Variants in SLCO3A1 observed in about 807,000 individuals in gnomAD.
SLCO3A1 encodes the protein solute carrier organic anion transporter family member 3A1.
A neutral mutation model predicts 63.1 loss-of-function variants in SLCO3A1; 27 were observed. The ratio of observed to expected loss-of-function variants is 0.43; its 90% CI spans 0.32 to 0.59. SLCO3A1 has a LOEUF of 0.59. Ranked by LOEUF, SLCO3A1 falls within the 20% of genes least tolerant of loss-of-function variation. The pLI, the probability that SLCO3A1 is intolerant of heterozygous loss-of-function variation, is 0.09. For missense variants in SLCO3A1, 773 were observed against 945.8 expected (o/e 0.82, Z 2.40); for synonymous variants, 473 against 409.9 (o/e 1.15, Z -1.86).
At chr15:91,889,306 C>CT (rs1897811979) in intron 1 of SLCO3A1, 4 of 464,800 alleles carry the variant, frequency 8.6e-6, no homozygotes. Context: ...CTGTAGGCCT[C>CT]TGCTATCTCC....
In SLCO3A1 at chr15:91,883,070, G is replaced by T. The variant is rs1232640858; in HGVS notation, c.180+28982G>T. On this transcript the variant is annotated intron_variant, in intron 1 of 9. Transcript: ENST00000318445. This position sits in a 1 kb window ranked among gnomAD's most constrained non-coding sequence, Gnocchi z 4.8. ...ACAGAGAGGAGAATGGTGAGGACTT[G>T]GGAAGGAGCCATGTGCTCCAGCCAT... Among the ~76,000 whole-genome samples the T allele has an allele frequency of 6.6e-6, 1 of 152,210 alleles. No homozygotes were observed. The highest frequency in any genetic ancestry group is 1.5e-5 in the Non-Finnish European group (1 of 68,034).
chr15:91,979,081 A>G (rs550611042), intron 2 of SLCO3A1, among the ~76,000 whole-genome samples: 2 of 152,298 alleles, frequency 1.3e-5, no homozygotes, highest in East Asian at 3.9e-4. Flanking sequence ...CAGGTACCTC[A>G]TTTGCAAAAA....
intron 6 of SLCO3A1, among the ~76,000 whole-genome samples, chr15:92,127,081 A>G (rs534404960): frequency 6.6e-6 from 1 of 152,310 alleles, no homozygotes; most frequent in Non-Finnish European, 1.5e-5. Context: ...AGAGTGGGAG[A>G]GCAGAACAGA....
intron 2 of SLCO3A1, among the ~76,000 whole-genome samples, chr15:92,042,294 A>G (rs1466331248): frequency 6.6e-6 from 1 of 152,206 alleles, no homozygotes; most frequent in Non-Finnish European, 1.5e-5. Flanking sequence ...CATCTTGCCT[A>G]GCGAACTTAA....
chr15:91,928,618 C>T (rs1287851338), intron 2 of SLCO3A1, among the ~76,000 whole-genome samples: 2 of 152,200 alleles, frequency 1.3e-5, no homozygotes, highest in Non-Finnish European at 2.9e-5. Flanking sequence ...AGCTCTTTCT[C>T]AGTATAGTAC....
chr15:92,018,762 G>A (rs1210423719), intron 2 of SLCO3A1, among the ~76,000 whole-genome samples: 1 of 152,148 alleles, frequency 6.6e-6, no homozygotes, highest in Non-Finnish European at 1.5e-5. Flanking sequence ...GGGGTGGGTT[G>A]GAGTGCAGGG....
chr15:92,163,088 A>G lies in SLCO3A1; in HGVS notation c.2086A>G (p.Asn696Asp). ...GACACATAGGACAAAGTTTATCTAT[A>G]ACCTGGAAGACCATGAGTGGTGTGA... ...NQTHRTKFIY[N>D]LEDHEWCENM... The change falls in exon 10 of 10, where the codon AAC (asparagine) becomes GAC (aspartate). Residue 696 changes from asparagine to aspartate, a missense_variant. Asn to Asp is a conservative substitution (Grantham distance 23). Coordinates refer to ENST00000318445, the MANE Select transcript of SLCO3A1 (RefSeq NM_013272.4). 6.5e-7 allele frequency: 1 copy of G among 1,543,560 alleles called. No homozygotes were observed. The highest frequency in any genetic ancestry group is 8.7e-7 in the Non-Finnish European group (1 of 1,147,144).
At chr15:92,157,631 A>C (rs961402422) in intron 9 of SLCO3A1, among the ~76,000 whole-genome samples, 4 of 151,984 alleles carry the variant, frequency 2.6e-5, no homozygotes, top group African/African-American at 9.7e-5. Flanking sequence ...CATGTACAGA[A>C]TTCTTGCCAG....
At position 92,162,863 on chromosome 15, in the gene SLCO3A1, G is replaced by A. The variant is rs764695708; in HGVS notation, c.1861G>A (p.Val621Ile). The A allele has an allele frequency of 1.7e-5, 28 of 1,614,162 alleles. No homozygotes were observed. Among genetic ancestry groups the A allele is most frequent in the Non-Finnish European group, 2.2e-5 (26 of 1,180,038 alleles). ...CGCCTGCGTCCTCTACGACAATGTGGTCTACCGATACCTGTATGTCAGCAT... is the reference window on the plus strand; with the variant it reads ...CGCCTGCGTCCTCTACGACAATGTGATCTACCGATACCTGTATGTCAGCAT... ...QGACVLYDNVVYRYLYVSIAI... is the reference protein window; with the variant it reads ...QGACVLYDNVIYRYLYVSIAI... The change falls in exon 10 of 10, where the codon GTC (valine) becomes ATC (isoleucine). Residue 621 changes from valine to isoleucine, a missense_variant. Physicochemically the swap from Val to Ile is conservative, Grantham distance 29. Coordinates refer to ENST00000318445, the MANE Select transcript of SLCO3A1 (RefSeq NM_013272.4).
At chr15:91,973,138 G>A (rs1597174882) in intron 2 of SLCO3A1, among the ~76,000 whole-genome samples, 1 of 152,212 alleles carries the variant, frequency 6.6e-6, no homozygotes, top group African/African-American at 2.4e-5. Flanking sequence ...AGGGCAACGG[G>A]CAGTGCCCTG....
intron 2 of SLCO3A1, among the ~76,000 whole-genome samples, chr15:92,070,774 G>T (rs570068475): frequency 2.2e-3 from 339 of 152,240 alleles, no homozygotes; most frequent in South Asian, 3.5e-3. Context: ...GTTGTGACTA[G>T]TGAGAGGTAT....
intron 1 of SLCO3A1, among the ~76,000 whole-genome samples, chr15:91,901,538 T>G (rs1386011155): frequency 6.6e-6 from 1 of 152,246 alleles, no homozygotes; most frequent in Non-Finnish European, 1.5e-5. Context: ...GAAGATTTGC[T>G]AGCAGTGAAT....
chr15:92,046,387 G>T (rs1330371225), intron 2 of SLCO3A1, among the ~76,000 whole-genome samples: 1 of 151,828 alleles, frequency 6.6e-6, no homozygotes, highest in Non-Finnish European at 1.5e-5. Context: ...ATACCTGGGC[G>T]ATGTGGCTGG....
At chr15:91,891,087 G>A (rs945578753) in intron 1 of SLCO3A1, among the ~76,000 whole-genome samples, 1 of 151,592 alleles carries the variant, frequency 6.6e-6, no homozygotes, top group African/African-American at 2.4e-5. Context: ...CAGTGAGTTG[G>A]TAAAGCCAGC....
chr15:92,054,617 C>T (rs2047000320), intron 2 of SLCO3A1, among the ~76,000 whole-genome samples: 1 of 151,962 alleles, frequency 6.6e-6, no homozygotes, highest in Admixed American at 6.6e-5. Context: ...CACCCCCGCC[C>T]ACAGGCCCCA....
chr15:91,970,678 C>T (rs1021296510), intron 2 of SLCO3A1, among the ~76,000 whole-genome samples: 2 of 152,130 alleles, frequency 1.3e-5, no homozygotes, highest in African/African-American at 2.4e-5. Flanking sequence ...CTGGGTTTCC[C>T]CTGACCAAAA....
At chr15:91,959,683 C>A (rs570207777) in intron 2 of SLCO3A1, among the ~76,000 whole-genome samples, 5 of 138,594 alleles carry the variant, frequency 3.6e-5, no homozygotes, top group African/African-American at 5.5e-5. Context: ...GAGATCACGC[C>A]ACTGCACTCC....
intron 7 of SLCO3A1, among the ~76,000 whole-genome samples, chr15:92,138,541 A>C (rs1191121057): frequency 9.1e-6 from 1 of 109,310 alleles, no homozygotes; most frequent in Non-Finnish European, 1.7e-5. Flanking sequence ...TGGGGATGGC[A>C]TTGAATCTAT....
intron 2 of SLCO3A1, among the ~76,000 whole-genome samples, chr15:91,958,972 A>G (rs944763967): frequency 6.6e-6 from 1 of 152,190 alleles, no homozygotes; most frequent in African/African-American, 2.4e-5. Context: ...ATGCACACAC[A>G]TGTTTATAGC....
Sources: gnomAD v4.1 joint callset for allele counts (sites outside exome capture counted in the v4.1 genomes callset) on GRCh38, gnomAD v4.1.1 for gene constraint, Gnocchi (gnomAD v3.1) non-coding constraint, MANE v1.5 for transcripts, NCBI Gene and HGNC (gene_info 2026-07-23, HGNC 2026-07-21) for gene names.